The following ERC1 variants were observed in gnomAD, a reference collection of about 807,000 sequenced individuals.
ERC1 encodes ELKS/RAB6-interacting/CAST family member 1.
Under a neutral mutation model 132.0 loss-of-function variants are expected in ERC1, and 56 were observed. That is an observed-to-expected ratio of 0.42 (90% CI 0.34 to 0.53). The LOEUF is 0.53. Among genes scored for constraint, ERC1 ranks in the 20% least tolerant of loss-of-function variants. ERC1 has a pLI of 0.03. For missense variants in ERC1, 1,202 were observed against 1,349.9 expected (o/e 0.89, Z 1.72); for synonymous variants, 478 against 476.1 (o/e 1.00, Z -0.05).
chr12:1,043,945 TTTC>T (rs781405961), intron 2 of ERC1, among the ~76,000 whole-genome samples: 2 of 152,236 alleles, frequency 1.3e-5, no homozygotes, highest in Non-Finnish European at 2.9e-5. Flanking sequence ...TTATAAATTC[TTTC>T]TTTTCATTTT....
chr12:1,042,338 G>GTTTTTTTTTTTT (rs776086251), intron 2 of ERC1, among the ~76,000 whole-genome samples: 1 of 121,000 alleles, frequency 8.3e-6, no homozygotes, highest in Admixed American at 9.8e-5. Context: ...CGCCCGGCCT[G>GTTTTTTTTTTTT]TTTTTTTTTT....
At chr12:1,479,833 T>A (rs1341245754) in intron 18 of ERC1, among the ~76,000 whole-genome samples, 3 of 152,054 alleles carry the variant, frequency 2.0e-5, no homozygotes, top group Non-Finnish European at 4.4e-5. Flanking sequence ...GCAGGACGGA[T>A]CCAGACTCCC....
chr12:1,057,884 G>A (rs368526531), intron 2 of ERC1, among the ~76,000 whole-genome samples: 2 of 151,942 alleles, frequency 1.3e-5, no homozygotes, highest in African/African-American at 2.4e-5. Flanking sequence ...GTGAGCCACC[G>A]CACCCGGCCT....
intron 7 of ERC1, among the ~76,000 whole-genome samples, chr12:1,121,899 C>G (rs1291954405): frequency 8.6e-4 from 9 of 10,424 alleles, no homozygotes; most frequent in South Asian, 0.012. Flanking sequence ...ATCTCTATCT[C>G]TATCTCTATC....
In ERC1 at chr12:1,363,187, T is replaced by C. The variant is rs550077269; in HGVS notation, c.2781-8646T>C. On this transcript the variant is annotated intron_variant, in intron 15 of 18. Transcript: ENST00000360905. ...TTATATTTTTTAAACAAATTTGGAA[T>C]GTACAAACTTTTGTTTTTTGACAAG... Among the ~76,000 whole-genome samples, 18 of 152,324 alleles carry C rather than the reference T, an allele frequency of 1.2e-4. 1 individual carries two copies. The highest frequency in any genetic ancestry group is 4.3e-4 in the African/African-American group (18 of 41,574).
chr12:995,699 T>C (rs974124872), intron 1 of ERC1, among the ~76,000 whole-genome samples: 1 of 152,196 alleles, frequency 6.6e-6, no homozygotes, highest in Non-Finnish European at 1.5e-5. Context: ...CATTCACTTA[T>C]TCATTCATAA....
intron 12 of ERC1, among the ~76,000 whole-genome samples, chr12:1,219,347 A>G (rs191824391): frequency 2.0e-5 from 3 of 152,250 alleles, no homozygotes; most frequent in Non-Finnish European, 4.4e-5. Flanking sequence ...ACCTTTTTCA[A>G]AACCTCTTCT....
At position 1,173,918 on chromosome 12, in the gene ERC1, G is replaced by A. The variant is rs144557017; in HGVS notation, c.1738-6622G>A. Reference sequence around the variant, plus strand: ...AGTGAGGGCTCAGCTGTTATCCATCGTGATGCTGCAGTCAGTGGGGCTCAG... The same window carrying A: ...AGTGAGGGCTCAGCTGTTATCCATCATGATGCTGCAGTCAGTGGGGCTCAG... On this transcript the variant is annotated intron_variant, in intron 8 of 18. Transcript: ENST00000360905. Among the ~76,000 whole-genome samples the A allele has an allele frequency of 4.5e-3, 680 of 151,830 alleles. 11 individuals carry two copies. The highest frequency in any genetic ancestry group is 0.016 in the African/African-American group (651 of 41,370).
At chr12:990,629 G>A (rs973865136), upstream of ERC1, 2 of 152,264 alleles carry the variant, frequency 1.3e-5, no homozygotes, top group African/African-American at 4.8e-5. Context: ...GCGAGTCTCA[G>A]GTCAGAAGAC....
At chr12:1,269,081 A>G (rs1386039876) in intron 14 of ERC1, among the ~76,000 whole-genome samples, 1 of 152,240 alleles carries the variant, frequency 6.6e-6, no homozygotes, top group Non-Finnish European at 1.5e-5. Context: ...TTATTCATTC[A>G]ACAGATCTTT....
At chr12:1,031,627 T>C (rs931544518) in intron 2 of ERC1, among the ~76,000 whole-genome samples, 1 of 152,232 alleles carries the variant, frequency 6.6e-6, no homozygotes, top group Admixed American at 6.5e-5. Flanking sequence ...TTTTACTTTT[T>C]AATCAATTAT....
chr12:1,029,165 G>A lies in ERC1; in HGVS notation c.669+593G>A, dbSNP rs111700867. Among the ~76,000 whole-genome samples the A allele has an allele frequency of 3.3e-3, 498 of 152,060 alleles. 1 individual carries two copies. Among genetic ancestry groups the A allele is most frequent in the African/African-American group, 0.011 (470 of 41,476 alleles). On this transcript the variant is annotated intron_variant, in intron 2 of 18. Transcript: ENST00000360905. ...GTCAGGAGTTCGAGACCAGCCTGGC[G>A]ACGTGGTGAAACCCTGACTCTACTA...
intron 12 of ERC1, among the ~76,000 whole-genome samples, chr12:1,223,941 C>G (rs967197688): frequency 1.3e-5 from 2 of 152,116 alleles, no homozygotes; most frequent in African/African-American, 2.4e-5. Flanking sequence ...TTACTAACAT[C>G]TGGGTTTTCT....
intron 8 of ERC1, among the ~76,000 whole-genome samples, chr12:1,165,790 AT>A (rs34988185): frequency 3.3e-5 from 5 of 151,984 alleles, no homozygotes; most frequent in East Asian, 1.9e-4. Flanking sequence ...TTTGGATGGA[AT>A]TTTTTTTCCA....
intron 15 of ERC1, among the ~76,000 whole-genome samples, chr12:1,362,434 GTCTCTCTCTCTCTGTCTCTCTC>G (rs918086515): frequency 6.0e-5 from 9 of 150,904 alleles, no homozygotes; most frequent in Non-Finnish European, 1.2e-4. Flanking sequence ...TCAGAGCTCT[GTCTCTCTCTCTCTGTCTCTCTC>G]TCTCTCTCTC....
intron 16 of ERC1, among the ~76,000 whole-genome samples, chr12:1,383,288 T>C (rs188036000): frequency 6.6e-6 from 1 of 152,320 alleles, no homozygotes; most frequent in East Asian, 1.9e-4. Context: ...CTGCCTTTCC[T>C]ATGCTCATTG....
intron 1 of ERC1, among the ~76,000 whole-genome samples, chr12:1,004,387 CTTTTTT>C (rs1263848278): frequency 1.4e-5 from 2 of 140,156 alleles, no homozygotes; most frequent in African/African-American, 2.6e-5. Context: ...AAATTTCTTT[CTTTTTT>C]TCTTTCTCTT....
chr12:1,141,422 G>A (rs1011975044), intron 7 of ERC1, among the ~76,000 whole-genome samples, 198 bp from the exon 8 acceptor site: 1 of 152,172 alleles, frequency 6.6e-6, no homozygotes, highest in African/African-American at 2.4e-5. Context: ...TGAAGTTTGA[G>A]AAACATAGTT....
intron 18 of ERC1, among the ~76,000 whole-genome samples, chr12:1,478,503 C>G (rs1362727992): frequency 6.6e-6 from 1 of 152,160 alleles, no homozygotes; most frequent in African/African-American, 2.4e-5. Context: ...TTTTAAGAGA[C>G]AGAAATCCGG....
Sources: gnomAD v4.1 joint callset for allele counts (sites outside exome capture counted in the v4.1 genomes callset) on GRCh38, gnomAD v4.1.1 for gene constraint, MANE v1.5 for transcripts, NCBI Gene and HGNC (gene_info 2026-07-23, HGNC 2026-07-21) for gene names.